The following SSPN variants were observed in gnomAD, a reference collection of about 807,000 sequenced individuals.
SSPN encodes K-ras oncogene-associated protein.
In SSPN, 15 loss-of-function variants were observed where a neutral mutation model predicts 19.1. That is an observed-to-expected ratio of 0.78 (90% CI 0.52 to 1.21). SSPN has a LOEUF of 1.21. SSPN is among the 50% of genes most tolerant of loss of function. The probability of loss-of-function intolerance (pLI) is 0.00; values close to 1 mark genes in which losing one functional copy is unlikely to be tolerated. For missense variants in SSPN, 291 were observed against 314.0 expected (o/e 0.93, Z 0.55); for synonymous variants, 147 against 140.3 (o/e 1.05, Z -0.34).
chr12:26,205,373 G>A (rs1339925819), intron 1 of SSPN, among the ~76,000 whole-genome samples: 8 of 152,134 alleles, frequency 5.3e-5, no homozygotes, highest in Non-Finnish European at 1.0e-4. Flanking sequence ...AGGGGGAGGG[G>A]GCTGCTAATG....
At chr12:26,133,493 A>G (rs1488825173) in intron 1 of SSPN, among the ~76,000 whole-genome samples, 3 of 152,124 alleles carry the variant, frequency 2.0e-5, no homozygotes, top group Non-Finnish European at 4.4e-5. Context: ...GATAAAAACC[A>G]CCCTAGATAT....
chr12:26,171,639 A>G (rs1038949403), intron 1 of SSPN, among the ~76,000 whole-genome samples: 3 of 151,782 alleles, frequency 2.0e-5, no homozygotes, highest in African/African-American at 7.3e-5. Flanking sequence ...TTTTTTTGTC[A>G]AAGAACTATA....
At chr12:26,219,657 A>T (rs1401177513) in intron 1 of SSPN, among the ~76,000 whole-genome samples, 1 of 148,322 alleles carries the variant, frequency 6.7e-6, no homozygotes, top group Non-Finnish European at 1.5e-5. Context: ...ACATCCAAAA[A>T]TAAAGTGATG....
chr12:26,126,479 T>C (rs549783214), intron 1 of SSPN: 4 of 152,352 alleles, frequency 2.6e-5, no homozygotes, highest in South Asian at 4.1e-4. Flanking sequence ...CAAAGGTACA[T>C]GCACCAGGGC....
chr12:26,227,039 C>G (rs1451862818), intron 2 of SSPN, among the ~76,000 whole-genome samples: 1 of 152,042 alleles, frequency 6.6e-6, no homozygotes, highest in East Asian at 1.9e-4. Flanking sequence ...GGCTGACACC[C>G]GCAAGACAGA....
At chr12:26,179,097 T>C (rs1160482647) in intron 1 of SSPN, among the ~76,000 whole-genome samples, 2 of 152,136 alleles carry the variant, frequency 1.3e-5, no homozygotes, top group African/African-American at 2.4e-5. Context: ...AGAGCTGACC[T>C]AGGCTATGGG....
intron 1 of SSPN, among the ~76,000 whole-genome samples, chr12:26,176,116 C>T (rs1391632648): frequency 1.3e-5 from 2 of 152,176 alleles, no homozygotes; most frequent in Middle Eastern, 3.2e-3. Flanking sequence ...GGATTACAGG[C>T]GTGAGCCTCA....
At chr12:26,136,894 G>A (rs185048725) in intron 1 of SSPN, among the ~76,000 whole-genome samples, 73 of 152,294 alleles carry the variant, frequency 4.8e-4, no homozygotes, top group Middle Eastern at 6.8e-3. Context: ...GTGCAAATTG[G>A]GGGAAATCCT....
rs1379614681 is a variant in SSPN at position 26,195,953 on chromosome 12, T to C, written c.279+2T>C. The C allele has an allele frequency of 2.0e-6, 3 of 1,502,230 alleles. No homozygotes were observed. Among genetic ancestry groups the C allele is most frequent in the Non-Finnish European group, 2.7e-6 (3 of 1,127,066 alleles). The allele number at this position is 1,502,230 out of a possible 1,614,324, so 93.1% of individuals were successfully genotyped here. A position where few individuals can be genotyped will look rare whatever the true frequency, so the allele number is the denominator to read the frequency against. ...ACTCCATTTTGGGCTGGGATCATTG[T>C]AAGCATCAAGTCTGTTTTGCCTAAG... On this transcript the variant is annotated splice_donor_variant, in intron 1 of 2. Transcript: ENST00000242729. LOFTEE classifies it high-confidence loss of function.
At chr12:26,124,460 C>T (rs544091746) in intron 1 of SSPN, 4 of 1,543,118 alleles carry the variant, frequency 2.6e-6, no homozygotes, top group East Asian at 4.5e-5. Flanking sequence ...ACTGTGAAAT[C>T]AATGGCTCTA....
chr12:26,207,556 A>G (rs1041678347), intron 1 of SSPN, among the ~76,000 whole-genome samples: 1 of 152,200 alleles, frequency 6.6e-6, no homozygotes, highest in Non-Finnish European at 1.5e-5. Context: ...GAAAATTTGT[A>G]TATATCCATA....
At chr12:26,203,497 C>T (rs1209319806) in intron 1 of SSPN, among the ~76,000 whole-genome samples, 1 of 152,126 alleles carries the variant, frequency 6.6e-6, no homozygotes, top group Non-Finnish European at 1.5e-5. Flanking sequence ...TATATAAAAA[C>T]CTATTCCATA....
chr12:26,163,805 T>C (rs756916947), intron 1 of SSPN, among the ~76,000 whole-genome samples: 2 of 152,244 alleles, frequency 1.3e-5, no homozygotes, highest in African/African-American at 2.4e-5. Context: ...CTTTAAATAC[T>C]GATATGTTAT....
At chr12:26,186,280 A>G (rs1291843879) in intron 1 of SSPN, among the ~76,000 whole-genome samples, 1 of 152,150 alleles carries the variant, frequency 6.6e-6, no homozygotes, top group African/African-American at 2.4e-5. Context: ...ACTGGTGCCT[A>G]TACGTATCTA....
chr12:26,138,200 T>G (rs574132974), intron 1 of SSPN, among the ~76,000 whole-genome samples: 1 of 152,324 alleles, frequency 6.6e-6, no homozygotes, highest in Admixed American at 6.5e-5. Flanking sequence ...AAATTTGTAT[T>G]GTTATTTATT....
chr12:26,153,600 G>A (rs772138994), intron 1 of SSPN, among the ~76,000 whole-genome samples: 5 of 152,154 alleles, frequency 3.3e-5, no homozygotes, highest in African/African-American at 9.7e-5. Context: ...AAGAACTGGC[G>A]GTGACACCAT....
chr12:26,195,871 G>C lies in SSPN; in HGVS notation c.199G>C (p.Val67Leu). Residue 67 changes from valine to leucine, a missense_variant, in exon 1 of 3, where the codon GTG (valine) becomes CTG (leucine). Transcript: ENST00000242729. Reference sequence around the variant, plus strand: ...GCTGCAGCTGGCCCTGGGCATCGCCGTGACCGTGGTGGGCTTCCTCATGGC... The same window carrying C: ...GCTGCAGCTGGCCCTGGGCATCGCCCTGACCGTGGTGGGCTTCCTCATGGC... ...ALLQLALGIA[V>L]TVVGFLMASI... 6.4e-7 allele frequency: 1 copy of C among 1,569,960 alleles called. No homozygotes were observed. Among genetic ancestry groups the C allele is most frequent in the South Asian group, 1.2e-5 (1 of 84,444 alleles).
At chr12:26,220,801 T>C (rs1945112085) in intron 1 of SSPN, among the ~76,000 whole-genome samples, 1 of 152,208 alleles carries the variant, frequency 6.6e-6, no homozygotes, top group South Asian at 2.1e-4. Context: ...TCTCTCCCTC[T>C]CTTCAGCTCT....
At chr12:26,122,504 GA>G in intron 1 of SSPN, 1 of 1,313,222 alleles carries the variant, frequency 7.6e-7, no homozygotes, top group Non-Finnish European at 9.8e-7. Context: ...CGGGCTGCGG[GA>G]AGGGCGCGCC....
Sources: gnomAD v4.1 joint callset for allele counts (sites outside exome capture counted in the v4.1 genomes callset) on GRCh38, gnomAD v4.1.1 for gene constraint, MANE v1.5 for transcripts, NCBI Gene and HGNC (gene_info 2026-07-23, HGNC 2026-07-21) for gene names.